TBKBP1: variants seen among roughly 807,000 people sequenced by gnomAD.
The protein encoded by TBKBP1 is TANK-binding kinase 1-binding protein 1.
TBKBP1 carries 47 observed loss-of-function variants against 69.9 expected under a neutral mutation model. That is an observed-to-expected ratio of 0.67 (90% CI 0.53 to 0.86). The LOEUF is 0.86. Among genes scored for constraint, TBKBP1 ranks in the 40% least tolerant of loss-of-function variants. The probability of loss-of-function intolerance (pLI) is 0.00; values close to 1 mark genes in which losing one functional copy is unlikely to be tolerated. For synonymous variants in TBKBP1, 418 were observed against 390.3 expected, an observed-to-expected ratio of 1.07 and a Z score of -0.84; for missense variants, 831 against 858.6, an observed-to-expected ratio of 0.97 and a Z score of 0.40.
At chr17:47,705,543 A>G (rs2143328307) in intron 7 of TBKBP1, among the ~76,000 whole-genome samples, 1 of 152,342 alleles carries the variant, frequency 6.6e-6, no homozygotes. Context: ...ATCTGCTGCC[A>G]CTTACCTGAC....
rs751798561 is a variant in TBKBP1 at position 47,709,292 on chromosome 17, C to T, written c.1559C>T (p.Pro520Leu). Residue 520 changes from proline (P) to leucine (L), a missense_variant, in exon 9 of 10, where the codon CCG becomes CTG. Transcript: ENST00000578982. ...ATCCGGCTGCGCTTCGAGAAGCAGC[C>T]GTCGGAGGAGGACGAGTGGGCTGTG... ...EGIRLRFEKQ[P>L]SEEDEWAVPT... 5.2e-6 allele frequency: 8 copies of T among 1,527,332 alleles called. No homozygotes were observed. Among genetic ancestry groups the T allele is most frequent in the East Asian group, 2.5e-5 (1 of 39,598 alleles). 94.6% of individuals were successfully genotyped at this position (1,527,332 alleles called of 1,614,324 possible).
At chr17:47,703,764 C>T (rs1464345364) in intron 7 of TBKBP1, among the ~76,000 whole-genome samples, 2 of 151,520 alleles carry the variant, frequency 1.3e-5, no homozygotes, top group African/African-American at 4.9e-5. Flanking sequence ...TTGTCCATGC[C>T]AGACACTATG....
At position 47,708,826 on chromosome 17, in the gene TBKBP1, T is replaced by G; in HGVS notation, c.1093T>G (p.Ser365Ala). The G allele has an allele frequency of 9.3e-7, 1 of 1,074,332 alleles. No homozygotes were observed. Among genetic ancestry groups the G allele is most frequent in the Non-Finnish European group, 1.2e-6 (1 of 809,648 alleles). 66.5% of individuals were successfully genotyped at this position (1,074,332 alleles called of 1,614,324 possible). The change falls in exon 9 of 10, where the codon TCC becomes GCC. Residue 365 changes from serine to alanine, a missense_variant. By Grantham distance (99) the Ser-to-Ala change is moderately conservative (BLOSUM62 1). Transcript: ENST00000578982. The surrounding 1 kb of genome is among the most constrained non-coding windows in gnomAD (Gnocchi z 4.4). ...GGCTCCCCCGTGCCCCCCGTGCCAGTCCCCCGTCCCCCAGCGCCGCTCTCC... is the reference window on the plus strand; with the variant it reads ...GGCTCCCCCGTGCCCCCCGTGCCAGGCCCCCGTCCCCCAGCGCCGCTCTCC... ...RAAPPCPPCQ[S>A]PVPQRRSPVP...
rs914477260 is a variant in TBKBP1 at position 47,708,710 on chromosome 17, C to T, written c.992-15C>T. The T allele has an allele frequency of 8.1e-6, 12 of 1,482,984 alleles. No homozygotes were observed. In the Admixed American group the frequency reaches 1.1e-4, roughly 14 times the overall value. 91.9% of individuals were successfully genotyped at this position (1,482,984 alleles called of 1,614,324 possible). A position where few individuals can be genotyped will look rare whatever the true frequency, so the allele number is the denominator to read the frequency against. On this transcript the variant is annotated splice_polypyrimidine_tract_variant and intron_variant, in intron 8 of 9. Coordinates refer to ENST00000578982, the MANE Select transcript of TBKBP1 (RefSeq NM_001394755.1). This position sits in a 1 kb window ranked among gnomAD's most constrained non-coding sequence, Gnocchi z 4.4. ...GCACCTTTGTCCCCCCACCCCGTCC[C>T]GGTTTCTCTTCCAGGCCAGAGGCAC... is the stretch of plus-strand genomic sequence containing the variant.
chr17:47,702,489 C>A (rs551626784), intron 7 of TBKBP1, among the ~76,000 whole-genome samples: 2 of 152,080 alleles, frequency 1.3e-5, no homozygotes, highest in Admixed American at 1.3e-4. Context: ...TGCGGGAGTC[C>A]TCAAGGTTAA....
rs1476066025 is a variant in TBKBP1 at position 47,709,276 on chromosome 17, C to T, written c.1543C>T (p.Arg515Cys). 6 of 1,524,282 alleles carry T rather than the reference C, an allele frequency of 3.9e-6. No individual in the cohort carries two copies. Among genetic ancestry groups the T allele is most frequent in the South Asian group, 2.4e-5 (2 of 82,336 alleles). 94.4% of individuals were successfully genotyped at this position (1,524,282 alleles called of 1,614,324 possible). A position where few individuals can be genotyped will look rare whatever the true frequency, so the allele number is the denominator to read the frequency against. ...PRRAFEGIRL[R>C]FEKQPSEEDE... ...GCGCGCCTTCGAGGGCATCCGGCTG[C>T]GCTTCGAGAAGCAGCCGTCGGAGGA... The change falls in exon 9 of 10, where the codon CGC becomes TGC. Residue 515 changes from arginine to cysteine, a missense_variant. Arg to Cys is a radical substitution (Grantham distance 180, BLOSUM62 -3). Transcript: ENST00000578982.
chr17:47,695,826 GCTTA>G (rs2031206329), intron 1 of TBKBP1: 3 of 352,336 alleles, frequency 8.5e-6, no homozygotes, highest in South Asian at 1.4e-4. Flanking sequence ...TGCCGGCCTG[GCTTA>G]CTTGTCCCTA....
chr17:47,704,729 A>G (rs549924111), intron 7 of TBKBP1, among the ~76,000 whole-genome samples: 2 of 152,280 alleles, frequency 1.3e-5, no homozygotes, highest in Non-Finnish European at 2.9e-5. Context: ...CACGTGCTAC[A>G]TCAACCCCAC....
Position 47,708,626 on chromosome 17 carries a change from AGTTGGTGGGCATGGGTCC to A in TBKBP1, c.992-97_992-80del. 1 of 1,431,402 alleles carries A rather than the reference AGTTGGTGGGCATGGGTCC, an allele frequency of 7.0e-7. No homozygotes were observed. Among genetic ancestry groups the A allele is most frequent in the South Asian group, 1.3e-5 (1 of 76,264 alleles). 88.7% of individuals were successfully genotyped at this position (1,431,402 alleles called of 1,614,324 possible). On this transcript the variant is annotated intron_variant, in intron 8 of 9. Coordinates refer to ENST00000578982, the MANE Select transcript of TBKBP1 (RefSeq NM_001394755.1). This position sits in a 1 kb window ranked among gnomAD's most constrained non-coding sequence, Gnocchi z 4.4. The stretch of plus-strand genomic sequence containing the variant: ...CTTTATTTCCTTTCCTGTGGCCTGG[AGTTGGTGGGCATGGGTCC>A]GGGCAAGCCCCTGGCGCTCCAGTTC...
At chr17:47,710,358 C>A in intron 9 of TBKBP1, 140 bp from the exon 10 acceptor site, 1 of 1,124,132 alleles carries the variant, frequency 8.9e-7, no homozygotes, top group Non-Finnish European at 1.2e-6. Context: ...TGGGGGAGGA[C>A]GGTGCTGAAG....
Position 47,699,707 on chromosome 17 carries a change from A to T in TBKBP1, c.872+10A>T. On this transcript the variant is annotated intron_variant, in intron 7 of 9. Transcript: ENST00000578982. ...GAGTTGGGGATGATCAGTAAGTCAC[A>T]TTGGTAACCCTGGTCCCTCCGTGAT... 1 of 1,613,808 alleles carries T rather than the reference A, an allele frequency of 6.2e-7. No homozygotes were observed. The highest frequency in any genetic ancestry group is 8.5e-7 in the Non-Finnish European group (1 of 1,179,840).
chr17:47,705,471 T>C (rs1412147099), intron 7 of TBKBP1, among the ~76,000 whole-genome samples: 1 of 152,204 alleles, frequency 6.6e-6, no homozygotes, highest in Non-Finnish European at 1.5e-5. Context: ...GCCTCCCAGG[T>C]TTTGAAAGAC....
chr17:47,710,805 G>T lies in TBKBP1; in HGVS notation c.*179G>T. On this transcript the variant is annotated 3_prime_UTR_variant, in exon 10 of 10. Coordinates refer to ENST00000578982, the MANE Select transcript of TBKBP1 (RefSeq NM_001394755.1). Reference sequence around the variant, plus strand: ...CTGGTCCAGGCACCACTCAGCTCTGGCTCTTCCTGGGAGGTCAGCCGAGGC... The same window carrying T: ...CTGGTCCAGGCACCACTCAGCTCTGTCTCTTCCTGGGAGGTCAGCCGAGGC... 2 of 898,412 alleles carry T rather than the reference G, an allele frequency of 2.2e-6. No individual in the cohort carries two copies. The highest frequency in any genetic ancestry group is 3.2e-6 in the Non-Finnish European group (2 of 621,650). 55.7% of individuals were successfully genotyped at this position (898,412 alleles called of 1,614,324 possible).
chr17:47,705,198 G>T (rs1332338179), intron 7 of TBKBP1, among the ~76,000 whole-genome samples: 2 of 152,278 alleles, frequency 1.3e-5, no homozygotes, highest in East Asian at 3.9e-4. Context: ...GCTTCTTTGG[G>T]GGACGTTATA....
In TBKBP1 at chr17:47,696,770, T is replaced by C; in HGVS notation, c.285T>C (p.Asp95=). Residue 95 remains aspartate, a synonymous_variant, in exon 3 of 10, where the codon GAT becomes GAC. Transcript: ENST00000578982. ...EHGFSLYEIK[D]GSLLEVEKVS... Reference sequence around the variant, plus strand: ...GCTTTTCTCTGTATGAAATCAAGGATGGCTCCCTGCTGGAGGTGGAGAAGG... The same window carrying C: ...GCTTTTCTCTGTATGAAATCAAGGACGGCTCCCTGCTGGAGGTGGAGAAGG... The C allele has an allele frequency of 1.2e-6, 2 of 1,613,970 alleles. No homozygotes were observed. The highest frequency in any genetic ancestry group is 1.7e-6 in the Non-Finnish European group (2 of 1,179,846).
Position 47,708,494 on chromosome 17 carries a change from G to A in TBKBP1, c.973G>A (p.Glu325Lys). The change falls in exon 8 of 10, where the codon GAA becomes AAA. Residue 325 changes from glutamate to lysine, a missense_variant. Glu to Lys is a moderately conservative substitution (Grantham distance 56). Transcript: ENST00000578982. This position sits in a 1 kb window ranked among gnomAD's most constrained non-coding sequence, Gnocchi z 4.4. Reference sequence around the variant, plus strand: ...GAGAATCTTGAGGACTCTGTTGCAGGAACAGGCCCGGAGTGGCGGTGAGAT... The same window carrying A: ...GAGAATCTTGAGGACTCTGTTGCAGAAACAGGCCCGGAGTGGCGGTGAGAT... ...QGRILRTLLQ[E>K]QARSGGQRHS... is the part of the protein sequence containing the mutation. The A allele has an allele frequency of 6.2e-7, 1 of 1,613,880 alleles. No homozygotes were observed. Among genetic ancestry groups the A allele is most frequent in the Non-Finnish European group, 8.5e-7 (1 of 1,179,840 alleles).
intron 4 of TBKBP1, 113 bp from the exon 5 acceptor site, chr17:47,698,482 A>T: frequency 8.8e-7 from 1 of 1,139,354 alleles, no homozygotes; most frequent in Non-Finnish European, 1.2e-6. Context: ...CCACTTGGAG[A>T]GTGGGCTTGG....
At position 47,709,467 on chromosome 17, in the gene TBKBP1, C is replaced by T. The variant is rs907470914; in HGVS notation, c.1719+15C>T. ...CGTCCATCAACGTGAGTGGGGCGCCCGCGTTCCGCCCACCCCGGACCGGGC... is the reference window on the plus strand; with the variant it reads ...CGTCCATCAACGTGAGTGGGGCGCCTGCGTTCCGCCCACCCCGGACCGGGC... On this transcript the variant is annotated intron_variant, in intron 9 of 9. Coordinates refer to ENST00000578982, the MANE Select transcript of TBKBP1 (RefSeq NM_001394755.1). 4.7e-6 allele frequency: 7 copies of T among 1,503,222 alleles called. No homozygotes were observed. In the African/African-American group the frequency reaches 5.7e-5, roughly 12 times the overall value. 93.1% of individuals were successfully genotyped at this position (1,503,222 alleles called of 1,614,324 possible). A position where few individuals can be genotyped will look rare whatever the true frequency, so the allele number is the denominator to read the frequency against.
In TBKBP1 at chr17:47,708,773, G is replaced by GGGCCCCC; in HGVS notation, c.1040_1041insGGCCCCC (p.Cys347TrpfsTer120). 2.3e-6 allele frequency: 2 copies of GGGCCCCC among 881,984 alleles called. No homozygotes were observed. Among genetic ancestry groups the GGGCCCCC allele is most frequent in the South Asian group, 1.7e-5 (1 of 60,596 alleles). 54.6% of individuals were successfully genotyped at this position (881,984 alleles called of 1,614,324 possible). A position where few individuals can be genotyped will look rare whatever the true frequency, so the allele number is the denominator to read the frequency against. On this transcript the variant is annotated frameshift_variant, in exon 9 of 10. Coordinates refer to ENST00000578982, the MANE Select transcript of TBKBP1 (RefSeq NM_001394755.1). LOFTEE classifies it high-confidence loss of function. This position sits in a 1 kb window ranked among gnomAD's most constrained non-coding sequence, Gnocchi z 4.4. ...CAACGCCACTCCCCGGCCCCCCAGT[G>GGGCCCCC]CCCCTCCCCCTCCCCGCCTGCCCGA...
Sources: allele counts gnomAD v4.1 joint callset (sites outside exome capture counted in the v4.1 genomes callset), GRCh38; gene constraint gnomAD v4.1.1; non-coding constraint Gnocchi (gnomAD v3.1); transcripts MANE v1.5; gene names NCBI Gene and HGNC (gene_info 2026-07-23, HGNC 2026-07-21).